Variants in GORAB observed in about 807,000 individuals in gnomAD.
GORAB encodes the protein RAB6-interacting golgin.
A neutral mutation model predicts 29.9 loss-of-function variants in GORAB; 17 were observed. That is an observed-to-expected ratio of 0.57 (90% CI 0.39 to 0.85). The LOEUF (loss-of-function observed/expected upper bound fraction) is 0.85, where lower values mean the gene tolerates loss of function less well. Among genes scored for constraint, GORAB ranks in the 40% least tolerant of loss-of-function variants. The probability of loss-of-function intolerance (pLI) is 0.00; values close to 1 mark genes in which losing one functional copy is unlikely to be tolerated. For missense variants in GORAB, 442 were observed against 437.8 expected (o/e 1.01, Z -0.09); for synonymous variants, 183 against 157.2 (o/e 1.16, Z -1.23).
chr1:170,539,801 A>G (rs998686673), intron 2 of GORAB: 1 of 522,748 alleles, frequency 1.9e-6, no homozygotes, highest in African/African-American at 1.9e-5. Flanking sequence ...CTTACAATGC[A>G]TGTTTATTAT....
At chr1:170,539,801 A>T in intron 2 of GORAB, 1 of 522,748 alleles carries the variant, frequency 1.9e-6, no homozygotes, top group Non-Finnish European at 3.4e-6. Context: ...CTTACAATGC[A>T]TGTTTATTAT....
At position 170,552,020 on chromosome 1, in the gene GORAB, G is replaced by A. The variant is rs564838793; in HGVS notation, c.668G>A (p.Arg223Gln). The A allele has an allele frequency of 2.1e-5, 34 of 1,613,596 alleles. No individual in the cohort carries two copies. The highest frequency in any genetic ancestry group is 3.3e-5 in the South Asian group (3 of 90,976). The change falls in exon 5 of 5, where the codon CGG (arginine) becomes CAG (glutamine). Residue 223 changes from arginine to glutamine, a missense_variant. Coordinates refer to ENST00000367763, the MANE Select transcript of GORAB (RefSeq NM_152281.3). ...CTTTATACACATCCTTACAGGAAGC[G>A]GTTTGACAGGGCTGAAGCAGAGTAC... Reference protein sequence around the residue: ...ASLDYSYARKRFDRAEAEYIA... With the variant: ...ASLDYSYARKQFDRAEAEYIA...
rs759884142 is a variant in GORAB at position 170,552,916 on chromosome 1, A to G, written c.*454A>G. The G allele has an allele frequency of 4.4e-6, 2 of 450,994 alleles. No homozygotes were observed. The highest frequency in any genetic ancestry group is 3.2e-5 in the South Asian group (2 of 63,254). The allele number at this position is 450,994 out of a possible 1,614,324, so 27.9% of individuals were successfully genotyped here. A position where few individuals can be genotyped will look rare whatever the true frequency, so the allele number is the denominator to read the frequency against. On this transcript the variant is annotated 3_prime_UTR_variant, in exon 5 of 5. Transcript: ENST00000367763. Reference sequence around the variant, plus strand: ...AAAAATTACAGTGTGAACAAGAGAAAAACAGGAATAGAAGAAAAAAGTTGC... The same window carrying G: ...AAAAATTACAGTGTGAACAAGAGAAGAACAGGAATAGAAGAAAAAAGTTGC...
chr1:170,538,347 A>G (rs568876170), intron 1 of GORAB, among the ~76,000 whole-genome samples: 1 of 152,340 alleles, frequency 6.6e-6, no homozygotes, highest in East Asian at 1.9e-4. Context: ...TTCATTTACA[A>G]GAACTGATAA....
chr1:170,544,497 G>T, intron 3 of GORAB: 1 of 448,256 alleles, frequency 2.2e-6, no homozygotes, highest in African/African-American at 2.0e-5. Context: ...AGACTTATTT[G>T]TTACTTTATG....
chr1:170,540,716 T>A (rs1192430912), intron 2 of GORAB, among the ~76,000 whole-genome samples: 4 of 152,196 alleles, frequency 2.6e-5, no homozygotes, highest in African/African-American at 9.7e-5. Context: ...TAGGGAAACT[T>A]ATTCTTTTTT....
chr1:170,548,315 C>T (rs939716543), intron 4 of GORAB, among the ~76,000 whole-genome samples: 1 of 150,934 alleles, frequency 6.6e-6, no homozygotes, highest in South Asian at 2.1e-4. Context: ...TGTGATTACA[C>T]TTAGGGTCCA....
chr1:170,539,214 A>G lies in GORAB; in HGVS notation c.66A>G (p.Pro22=). 2 of 1,614,140 alleles carry G rather than the reference A, an allele frequency of 1.2e-6. No individual in the cohort carries two copies. Among genetic ancestry groups the G allele is most frequent in the South Asian group, 1.1e-5 (1 of 91,086 alleles). ...ELRRLKQTKD[P]FEPQRRLPAK... is the part of the protein sequence containing the mutation. Reference sequence around the variant, plus strand: ...CCTCTATTTTCTTTTACATAGATCCATTTGAACCACAGCGACGTCTCCCCG... The same window carrying G: ...CCTCTATTTTCTTTTACATAGATCCGTTTGAACCACAGCGACGTCTCCCCG... Residue 22 remains proline, a synonymous_variant, in exon 2 of 5, where the codon CCA becomes CCG. Transcript: ENST00000367763.
rs569136235 is a variant in GORAB at position 170,546,597 on chromosome 1, C to G, written c.662+1752C>G. Among the ~76,000 whole-genome samples, 12 of 152,238 alleles carry G rather than the reference C, an allele frequency of 7.9e-5. No homozygotes were observed. In the South Asian group the frequency reaches 2.1e-3, roughly 26 times the overall value. ...ATGAAATTTTAGTAAATTTTTAAAT[C>G]TTTAGTAAGTTACAGATGACAGTTT... is the stretch of plus-strand genomic sequence containing the variant. On this transcript the variant is annotated intron_variant, in intron 4 of 4. Transcript: ENST00000367763.
Position 170,545,004 on chromosome 1 carries a change from C to G in GORAB, c.662+159C>G, listed in dbSNP as rs918323975. 9 of 1,368,994 alleles carry G rather than the reference C, an allele frequency of 6.6e-6. No homozygotes were observed. The African/African-American group carries it at 1.3e-4, about 20-fold the overall frequency. The allele number at this position is 1,368,994 out of a possible 1,614,324, so 84.8% of individuals were successfully genotyped here. ...TTTTGTGCTAATTCAAGTGTCTCCT[C>G]TTCAGTGAAGTCTTCCTTAACTCTG... is the stretch of plus-strand genomic sequence containing the variant. On this transcript the variant is annotated intron_variant, in intron 4 of 4. Transcript: ENST00000367763.
chr1:170,541,742 A>C (rs908442545), intron 2 of GORAB, among the ~76,000 whole-genome samples: 1 of 152,182 alleles, frequency 6.6e-6, no homozygotes, highest in African/African-American at 2.4e-5. Context: ...AAGACAATAC[A>C]TGTTTTCACA....
At chr1:170,533,648 C>T (rs1199817642) in intron 1 of GORAB, 1 of 427,848 alleles carries the variant, frequency 2.3e-6, no homozygotes, top group Admixed American at 2.4e-5. Context: ...GCGCATTTTC[C>T]AGGGTAAAGA....
intron 1 of GORAB, among the ~76,000 whole-genome samples, chr1:170,536,628 A>T (rs138711784): frequency 6.0e-4 from 91 of 152,334 alleles, no homozygotes; most frequent in African/African-American, 2.0e-3. Flanking sequence ...GTAAAATAAG[A>T]GACACATTAT....
At chr1:170,542,991 G>C (rs988257612) in intron 3 of GORAB, among the ~76,000 whole-genome samples, 1 of 152,182 alleles carries the variant, frequency 6.6e-6, no homozygotes, top group Non-Finnish European at 1.5e-5. Flanking sequence ...TTCTACATAA[G>C]TGACATACTC....
In GORAB at chr1:170,552,815, A is replaced by T; in HGVS notation, c.*353A>T. 1 of 456,424 alleles carries T rather than the reference A, an allele frequency of 2.2e-6. No homozygotes were observed. Among genetic ancestry groups the T allele is most frequent in the South Asian group, 1.6e-5 (1 of 64,414 alleles). 28.3% of individuals were successfully genotyped at this position (456,424 alleles called of 1,614,324 possible). ...GAAAATGATACTCAATACCTAGTTA[A>T]ACTCATTTCACTTCTCCTGGGAGAC... is the stretch of plus-strand genomic sequence containing the variant. On this transcript the variant is annotated 3_prime_UTR_variant, in exon 5 of 5. Transcript: ENST00000367763.
chr1:170,534,286 C>G (rs1648907642), intron 1 of GORAB, among the ~76,000 whole-genome samples: 1 of 152,116 alleles, frequency 6.6e-6, no homozygotes, highest in Non-Finnish European at 1.5e-5. Flanking sequence ...TACACTTGGC[C>G]CTTGAACAAC....
intron 1 of GORAB, among the ~76,000 whole-genome samples, chr1:170,535,184 G>A (rs757303865): frequency 3.3e-5 from 5 of 152,196 alleles, no homozygotes; most frequent in Non-Finnish European, 7.3e-5. Context: ...CCAAAAGCAA[G>A]TCATATAACT....
intron 4 of GORAB, among the ~76,000 whole-genome samples, chr1:170,550,410 GA>G (rs2101832777): frequency 6.6e-6 from 1 of 152,298 alleles, no homozygotes; most frequent in African/African-American, 2.4e-5. Flanking sequence ...TGAAATGAGA[GA>G]AAATGTGTCG....
Position 170,542,513 on chromosome 1 carries a change from G to A in GORAB, c.442G>A (p.Val148Ile). 1.2e-6 allele frequency: 2 copies of A among 1,613,518 alleles called. No individual in the cohort carries two copies. The highest frequency in any genetic ancestry group is 1.7e-6 in the Non-Finnish European group (2 of 1,179,562). The change falls in exon 3 of 5, where the codon GTC (valine) becomes ATC (isoleucine). Residue 148 changes from valine to isoleucine, a missense_variant. Val to Ile is a conservative substitution (Grantham distance 29). Coordinates refer to ENST00000367763, the MANE Select transcript of GORAB (RefSeq NM_152281.3). ...VELQEKSRWE[V>I]LQQEQRLMEE... The stretch of plus-strand genomic sequence containing the variant: ...TAGGCAAGAAAAATCTCGTTGGGAA[G>A]TCCTCCAACAAGAACAACGGCTAAT...
Sources: allele counts gnomAD v4.1 joint callset (sites outside exome capture counted in the v4.1 genomes callset), GRCh38; gene constraint gnomAD v4.1.1; transcripts MANE v1.5; gene names NCBI Gene and HGNC (gene_info 2026-07-23, HGNC 2026-07-21).